The following CNTNAP2 variants were observed in gnomAD, a reference collection of about 807,000 sequenced individuals.
CNTNAP2 encodes contactin associated protein 2.
Under a neutral mutation model 155.2 loss-of-function variants are expected in CNTNAP2, and 98 were observed. The ratio of observed to expected loss-of-function variants is 0.63; its 90% CI spans 0.54 to 0.75. CNTNAP2 has a LOEUF of 0.75. Ranked by LOEUF, CNTNAP2 falls within the 30% of genes least tolerant of loss-of-function variation. The pLI, the probability that CNTNAP2 is intolerant of heterozygous loss-of-function variation, is 0.00. For synonymous variants in CNTNAP2, 651 were observed against 631.2 expected (o/e 1.03, Z -0.47); for missense variants, 1,727 against 1,688.1 (o/e 1.02, Z -0.40).
At chr7:148,311,772 G>T (rs951585654) in intron 21 of CNTNAP2, among the ~76,000 whole-genome samples, 1 of 152,154 alleles carries the variant, frequency 6.6e-6, no homozygotes. Context: ...GGTGTGTGGC[G>T]ATTAGGCCTG....
intron 12 of CNTNAP2, among the ~76,000 whole-genome samples, chr7:147,588,481 C>T (rs1800675554): frequency 6.6e-6 from 1 of 152,146 alleles, no homozygotes. Flanking sequence ...TCACCCCTTC[C>T]AGCTATAGTA....
chr7:146,193,671 G>A (rs1300695089), intron 1 of CNTNAP2, among the ~76,000 whole-genome samples: 2 of 152,200 alleles, frequency 1.3e-5, no homozygotes, highest in South Asian at 2.1e-4. Flanking sequence ...TGCCATGAAG[G>A]TCTCCGAGAT....
intron 3 of CNTNAP2, among the ~76,000 whole-genome samples, chr7:146,866,801 A>C (rs963019025): frequency 1.3e-5 from 2 of 152,194 alleles, no homozygotes; most frequent in South Asian, 4.1e-4. Context: ...ATATTTCTGC[A>C]ATCAATTACA....
intron 15 of CNTNAP2, among the ~76,000 whole-genome samples, chr7:148,024,972 C>T (rs1802351047): frequency 6.6e-6 from 1 of 152,190 alleles, no homozygotes; most frequent in African/African-American, 2.4e-5. Flanking sequence ...CTTCTAACCT[C>T]ACAAGCTAGC....
intron 3 of CNTNAP2, among the ~76,000 whole-genome samples, chr7:146,992,359 AC>A (rs1798224070): frequency 6.6e-6 from 1 of 151,532 alleles, no homozygotes; most frequent in Non-Finnish European, 1.5e-5. Context: ...TTGTTGTAGG[AC>A]TTTCTCCTTA....
At chr7:146,556,629 C>T (rs1227983249) in intron 1 of CNTNAP2, among the ~76,000 whole-genome samples, 1 of 152,080 alleles carries the variant, frequency 6.6e-6, no homozygotes, top group African/African-American at 2.4e-5. Context: ...GAGAAAAACT[C>T]ATATAGAGAA....
intron 10 of CNTNAP2, among the ~76,000 whole-genome samples, chr7:147,416,203 T>C (rs1390197795): frequency 6.6e-6 from 1 of 152,218 alleles, no homozygotes; most frequent in Non-Finnish European, 1.5e-5. Flanking sequence ...TCAATTACAA[T>C]CAGTTTCTCA....
chr7:146,137,508 A>G (rs577725279), intron 1 of CNTNAP2, among the ~76,000 whole-genome samples: 14 of 152,138 alleles, frequency 9.2e-5, no homozygotes, highest in Non-Finnish European at 4.4e-5. Context: ...TTGAAAGAAG[A>G]AGGTGAGCTG....
intron 1 of CNTNAP2, among the ~76,000 whole-genome samples, chr7:146,305,045 C>T (rs1329257804): frequency 6.6e-6 from 1 of 152,140 alleles, no homozygotes; most frequent in Non-Finnish European, 1.5e-5. Flanking sequence ...GACACCTTTT[C>T]TTCCACTTGA....
intron 1 of CNTNAP2, among the ~76,000 whole-genome samples, chr7:146,539,804 A>G (rs760589702): frequency 1.3e-5 from 2 of 152,138 alleles, no homozygotes; most frequent in Non-Finnish European, 2.9e-5. Context: ...GCTTGAGAGT[A>G]AAATATTCCA....
At chr7:147,531,311 A>G (rs1482954339) in intron 11 of CNTNAP2, among the ~76,000 whole-genome samples, 2 of 152,172 alleles carry the variant, frequency 1.3e-5, no homozygotes, top group African/African-American at 2.4e-5. Flanking sequence ...CTCCAACCCC[A>G]CATTTCCCTT....
chr7:146,873,186 G>T (rs1354985689), intron 3 of CNTNAP2, among the ~76,000 whole-genome samples: 1 of 152,128 alleles, frequency 6.6e-6, no homozygotes, highest in Non-Finnish European at 1.5e-5. Context: ...TATACAAGAT[G>T]TCTGGTTTAA....
At chr7:147,648,428 T>C (rs1247873263) in intron 13 of CNTNAP2, among the ~76,000 whole-genome samples, 3 of 152,170 alleles carry the variant, frequency 2.0e-5, no homozygotes, top group Non-Finnish European at 4.4e-5. Flanking sequence ...AAAATAGGAC[T>C]CAGAGGAATA....
chr7:148,331,276 C>CAGAT (rs1798002601), intron 21 of CNTNAP2, among the ~76,000 whole-genome samples: 3 of 80,852 alleles, frequency 3.7e-5, no homozygotes, highest in Non-Finnish European at 7.3e-5. Flanking sequence ...ATGGAGTGGA[C>CAGAT]GGATGGAGTG....
chr7:146,967,241 T>G (rs1033813671), intron 3 of CNTNAP2, among the ~76,000 whole-genome samples: 4 of 152,336 alleles, frequency 2.6e-5, no homozygotes, highest in African/African-American at 9.6e-5. Flanking sequence ...TGATGTAGAC[T>G]TTAGTAACAT....
In CNTNAP2 at chr7:146,716,691, C is replaced by T. The variant is rs183637228; in HGVS notation, c.98-57580C>T. Among the ~76,000 whole-genome samples, 884 of 152,276 alleles carry T rather than the reference C, an allele frequency of 5.8e-3. 11 individuals carry two copies. Among genetic ancestry groups the T allele is most frequent in the African/African-American group, 0.02 (837 of 41,554 alleles). ...TCTCCAAGCCCCAGATTTCTCATTT[C>T]TCCCTTGGAGATGGCCATTATAATA... is the stretch of plus-strand genomic sequence containing the variant. On this transcript the variant is annotated intron_variant, in intron 1 of 23. Transcript: ENST00000361727.
rs191457381 is a variant in CNTNAP2 at position 147,815,787 on chromosome 7, G to A, written c.2099-87778G>A. On this transcript the variant is annotated intron_variant, in intron 13 of 23. Transcript: ENST00000361727. The stretch of plus-strand genomic sequence containing the variant: ...GTTGTTCTTCAAGGGTTCAATCCAC[G>A]AATAGCTTGTATGCACAAAAGCACT... Among the ~76,000 whole-genome samples, 18 of 152,250 alleles carry A rather than the reference G, an allele frequency of 1.2e-4. 1 individual carries two copies. In the East Asian group the frequency reaches 3.5e-3, roughly 29 times the overall value.
intron 2 of CNTNAP2, among the ~76,000 whole-genome samples, chr7:146,805,314 A>T (rs1254679948): frequency 6.6e-6 from 1 of 152,202 alleles, no homozygotes; most frequent in Non-Finnish European, 1.5e-5. Context: ...ATGTAAACTT[A>T]TAAATACATA....
At chr7:147,159,974 C>T (rs771268639) in intron 8 of CNTNAP2, among the ~76,000 whole-genome samples, 1 of 151,972 alleles carries the variant, frequency 6.6e-6, no homozygotes, top group Non-Finnish European at 1.5e-5. Flanking sequence ...ACAGAAGTGA[C>T]ATAAATTATC....
Sources: allele counts gnomAD v4.1 joint callset (sites outside exome capture counted in the v4.1 genomes callset), GRCh38; gene constraint gnomAD v4.1.1; transcripts MANE v1.5; gene names NCBI Gene and HGNC (gene_info 2026-07-23, HGNC 2026-07-21).